The following FGF14 variants were observed in gnomAD, a reference collection of about 807,000 sequenced individuals.
FGF14 encodes fibroblast growth factor homologous factor 4.
FGF14 carries 5 observed loss-of-function variants against 25.5 expected under a neutral mutation model. That is an observed-to-expected ratio of 0.20 (90% CI 0.10 to 0.41). FGF14 has a LOEUF of 0.41. Among genes scored for constraint, FGF14 ranks in the 10% least tolerant of loss-of-function variants. FGF14 has a pLI of 1.00. For missense variants in FGF14, 222 were observed against 320.1 expected, an observed-to-expected ratio of 0.69 and a Z score of 2.34; for synonymous variants, 138 against 118.3, an observed-to-expected ratio of 1.17 and a Z score of -1.08.
At chr13:101,980,696 C>T (rs1035183632) in intron 1 of FGF14, among the ~76,000 whole-genome samples, 1 of 152,160 alleles carries the variant, frequency 6.6e-6, no homozygotes, top group Non-Finnish European at 1.5e-5. Context: ...CAAGTGCCAA[C>T]AAGCCATCAG....
chr13:102,091,862 C>T (rs2044180596), intron 1 of FGF14, among the ~76,000 whole-genome samples: 1 of 152,178 alleles, frequency 6.6e-6, no homozygotes, highest in African/African-American at 2.4e-5. Flanking sequence ...ATTAAATCTT[C>T]TCTGTTCAAA....
intron 3 of FGF14, among the ~76,000 whole-genome samples, chr13:101,768,471 C>T (rs978188439): frequency 1.3e-5 from 2 of 152,070 alleles, no homozygotes; most frequent in African/African-American, 4.8e-5. Context: ...CACACTGATA[C>T]TAAAGTTTAC....
chr13:102,249,460 A>C (rs893228947), intron 1 of FGF14, among the ~76,000 whole-genome samples: 1 of 152,176 alleles, frequency 6.6e-6, no homozygotes, highest in African/African-American at 2.4e-5. Flanking sequence ...GCTGTCGTTG[A>C]GGGTCATGGA....
intron 1 of FGF14, among the ~76,000 whole-genome samples, chr13:102,331,354 T>C (rs563494246): frequency 7.9e-5 from 12 of 152,296 alleles, no homozygotes; most frequent in African/African-American, 2.9e-4. Context: ...TCCCAATAGC[T>C]TGGACCCATA....
At chr13:102,123,738 C>T (rs538025925) in intron 1 of FGF14, among the ~76,000 whole-genome samples, 5 of 152,138 alleles carry the variant, frequency 3.3e-5, no homozygotes, top group East Asian at 3.9e-4. Context: ...GACCCCCATC[C>T]GGATATTAAG....
At chr13:102,169,068 G>A (rs548162833) in intron 1 of FGF14, among the ~76,000 whole-genome samples, 5 of 151,490 alleles carry the variant, frequency 3.3e-5, no homozygotes, top group Non-Finnish European at 5.9e-5. Context: ...CACTGATTCT[G>A]TCATTGATCC....
At chr13:102,313,203 A>G (rs143972727) in intron 1 of FGF14, among the ~76,000 whole-genome samples, 2 of 152,360 alleles carry the variant, frequency 1.3e-5, no homozygotes, top group East Asian at 3.9e-4. Flanking sequence ...CACTGTGGGC[A>G]GGGCACTGCT....
chr13:102,193,336 A>T (rs758200998), intron 1 of FGF14, among the ~76,000 whole-genome samples: 24 of 152,102 alleles, frequency 1.6e-4, no homozygotes, highest in Non-Finnish European at 2.9e-4. Context: ...TCTCATCATG[A>T]GGGATCCAGT....
At chr13:101,751,207 T>C (rs536652351) in intron 3 of FGF14, among the ~76,000 whole-genome samples, 6 of 152,272 alleles carry the variant, frequency 3.9e-5, no homozygotes, top group Non-Finnish European at 8.8e-5. Flanking sequence ...CGTTAGCTAA[T>C]ATTAATTTAT....
At chr13:102,196,644 CTAAT>C (rs777592820) in intron 1 of FGF14, among the ~76,000 whole-genome samples, 25 of 152,138 alleles carry the variant, frequency 1.6e-4, no homozygotes, top group Admixed American at 6.5e-4. Flanking sequence ...TTAAATCAGA[CTAAT>C]TAACAAATTC....
intron 1 of FGF14, among the ~76,000 whole-genome samples, chr13:101,971,160 G>A (rs1012715087): frequency 6.6e-6 from 1 of 151,986 alleles, no homozygotes; most frequent in Non-Finnish European, 1.5e-5. Flanking sequence ...TAGTTTTTTT[G>A]CAGTGATGTT....
intron 3 of FGF14, among the ~76,000 whole-genome samples, chr13:101,748,146 A>AT (rs1199369522): frequency 1.3e-5 from 2 of 151,972 alleles, no homozygotes; most frequent in African/African-American, 2.4e-5. Flanking sequence ...AAATTATTCT[A>AT]TAAAAAAAAG....
intron 1 of FGF14, among the ~76,000 whole-genome samples, chr13:102,112,485 T>A (rs188832548): frequency 2.8e-4 from 42 of 152,352 alleles, no homozygotes; most frequent in African/African-American, 8.4e-4. Flanking sequence ...TGAAGATTTT[T>A]AAATCATTTG....
At chr13:101,746,623 G>A (rs2036908157) in intron 3 of FGF14, among the ~76,000 whole-genome samples, 1 of 151,946 alleles carries the variant, frequency 6.6e-6, no homozygotes, top group African/African-American at 2.4e-5. Flanking sequence ...TAGGCGAGAA[G>A]GGCAAACTGC....
chr13:101,912,318 T>C (rs374854585), intron 1 of FGF14, among the ~76,000 whole-genome samples: 1 of 152,196 alleles, frequency 6.6e-6, no homozygotes, highest in Non-Finnish European at 1.5e-5. Context: ...TGGCACATAA[T>C]ACCATAGCTC....
At chr13:101,733,496 G>A (rs1315920168) in intron 3 of FGF14, among the ~76,000 whole-genome samples, 1 of 151,478 alleles carries the variant, frequency 6.6e-6, no homozygotes, top group Non-Finnish European at 1.5e-5. Flanking sequence ...TCGGGAGGCT[G>A]AGGCAGGAGA....
intron 1 of FGF14, among the ~76,000 whole-genome samples, chr13:102,084,269 T>C (rs142964393): frequency 0.011 from 1,680 of 152,308 alleles, 28 homozygotes; most frequent in African/African-American, 0.038. Context: ...TTTAACATAC[T>C]CTATTGTAAT....
chr13:102,064,934 T>C (rs1353652334), intron 1 of FGF14, among the ~76,000 whole-genome samples: 1 of 152,012 alleles, frequency 6.6e-6, no homozygotes, highest in African/African-American at 2.4e-5. Flanking sequence ...CCCCCACAGA[T>C]ACTGAGAGAT....
At chr13:102,259,204 C>T (rs1357961752) in intron 1 of FGF14, among the ~76,000 whole-genome samples, 1 of 152,140 alleles carries the variant, frequency 6.6e-6, no homozygotes. Flanking sequence ...CTGCATGGGG[C>T]TCTGGCCTCA....
Sources: gnomAD v4.1 joint callset for allele counts (sites outside exome capture counted in the v4.1 genomes callset) on GRCh38, gnomAD v4.1.1 for gene constraint, MANE v1.5 for transcripts, NCBI Gene and HGNC (gene_info 2026-07-23, HGNC 2026-07-21) for gene names.